The following GNB5 variants were observed in gnomAD, a reference collection of about 807,000 sequenced individuals.
GNB5 encodes guanine nucleotide-binding protein subunit beta-5.
Under a neutral mutation model 55.3 loss-of-function variants are expected in GNB5, and 37 were observed. The ratio of observed to expected loss-of-function variants is 0.67; its 90% confidence interval spans 0.51 to 0.88. GNB5 has a LOEUF of 0.88. Among genes scored for constraint, GNB5 ranks in the 40% least tolerant of loss-of-function variants. The pLI is 0.00. For synonymous variants in GNB5, 219 were observed against 198.5 expected, an observed-to-expected ratio of 1.10 and a Z score of -0.87; for missense variants, 476 against 515.3, an observed-to-expected ratio of 0.92 and a Z score of 0.74.
intron 7 of GNB5, among the ~76,000 whole-genome samples, chr15:52,138,180 C>G (rs2033770538): frequency 6.6e-6 from 1 of 151,840 alleles, no homozygotes; most frequent in African/African-American, 2.4e-5. Context: ...GTCAGGAGTT[C>G]AAGACCAGCC....
At chr15:52,136,216 T>C (rs2033718562) in intron 7 of GNB5, among the ~76,000 whole-genome samples, 1 of 148,478 alleles carries the variant, frequency 6.7e-6, no homozygotes, top group African/African-American at 2.5e-5. Flanking sequence ...ATCTCTCTTC[T>C]ATACAAAGAA....
In GNB5 at chr15:52,187,970, AT is replaced by A. The variant is rs531237939; in HGVS notation, c.-18-3277del. Among the ~76,000 whole-genome samples the A allele has an allele frequency of 4.5e-3, 680 of 150,620 alleles. 2 individuals are homozygous for A. The highest frequency in any genetic ancestry group is 0.011 in the African/African-American group (469 of 41,364). ...TCTCAAAGAAAATTAAAAATTAAAA[AT>A]AAATAAATAAATAAGTGGAAACAGA... On this transcript the variant is annotated intron_variant, in intron 1 of 12. Coordinates refer to ENST00000261837, the MANE Select transcript of GNB5 (RefSeq NM_016194.4).
At chr15:52,179,625 G>C in intron 3 of GNB5, 143 bp downstream of exon 3, 2 of 328,330 alleles carry the variant, frequency 6.1e-6, no homozygotes, top group Non-Finnish European at 1.0e-5. Flanking sequence ...CTGCGCGCCC[G>C]GGCCCCAGGG....
chr15:52,130,032 C>T (rs535610783), intron 9 of GNB5, among the ~76,000 whole-genome samples: 4 of 152,250 alleles, frequency 2.6e-5, no homozygotes, highest in East Asian at 1.9e-4. Flanking sequence ...AAGTGATAAG[C>T]GCAACTCTCC....
intron 7 of GNB5, 53 bp downstream of exon 7, chr15:52,141,084 GCTC>G: frequency 6.5e-7 from 1 of 1,545,616 alleles, no homozygotes; most frequent in East Asian, 2.2e-5. Flanking sequence ...TCTCCTCTCA[GCTC>G]CTCTTTAGTG....
At chr15:52,136,416 C>T (rs2033725263) in intron 7 of GNB5, among the ~76,000 whole-genome samples, 1 of 152,104 alleles carries the variant, frequency 6.6e-6, no homozygotes, top group Non-Finnish European at 1.5e-5. Context: ...GCTGTGCAGG[C>T]CAAAAACTTA....
intron 3 of GNB5, among the ~76,000 whole-genome samples, chr15:52,163,044 AGG>A (rs2034368503): frequency 6.6e-6 from 1 of 152,110 alleles, no homozygotes; most frequent in Non-Finnish European, 1.5e-5. Flanking sequence ...GAGGAAAAGC[AGG>A]GTGGGGAGAT....
chr15:52,140,156 C>T (rs2033818775), intron 7 of GNB5: 2 of 231,670 alleles, frequency 8.6e-6, no homozygotes, highest in Non-Finnish European at 1.8e-5. Context: ...GCCACCTGAC[C>T]TCCCTGCCTC....
At position 52,177,313 on chromosome 15, in the gene GNB5, G is replaced by A. The variant is rs190964336; in HGVS notation, c.238+2455C>T. ...CTCCCAAAGTGCTGGGATTACAGGC[G>A]TGAGCCACCCTGTCGGTCCGAGACC... On this transcript the variant is annotated intron_variant, in intron 3 of 12. Transcript: ENST00000261837. 8.7e-3 allele frequency among the ~76,000 whole-genome samples: 1,327 copies of A among 151,890 alleles called. 6 individuals carry two copies. The highest frequency in any genetic ancestry group is 0.013 in the Non-Finnish European group (901 of 67,908).
intron 3 of GNB5, among the ~76,000 whole-genome samples, chr15:52,155,356 G>A (rs544221033): frequency 2.0e-5 from 3 of 152,302 alleles, no homozygotes; most frequent in African/African-American, 4.8e-5. Flanking sequence ...GTGCCGAGAG[G>A]TGCCAACTCT....
At chr15:52,136,174 C>CT (rs2033716536) in intron 7 of GNB5, among the ~76,000 whole-genome samples, 1 of 59,180 alleles carries the variant, frequency 1.7e-5, no homozygotes, top group South Asian at 5.4e-4. Flanking sequence ...ACACACACAC[C>CT]CTACCTGCTG....
At chr15:52,139,164 G>A (rs993869746) in intron 7 of GNB5, 3 of 152,206 alleles carry the variant, frequency 2.0e-5, no homozygotes, top group African/African-American at 7.2e-5. Flanking sequence ...AAAATTGGCT[G>A]GGTGCAGTGG....
At chr15:52,182,406 C>G (rs200303433) in intron 2 of GNB5, among the ~76,000 whole-genome samples, 1 of 152,138 alleles carries the variant, frequency 6.6e-6, no homozygotes, top group East Asian at 1.9e-4. Context: ...ACCTGAGGCA[C>G]GTGGTACTTC....
intron 4 of GNB5, among the ~76,000 whole-genome samples, chr15:52,152,407 T>A (rs1221279328): frequency 6.6e-6 from 1 of 151,706 alleles, no homozygotes; most frequent in African/African-American, 2.4e-5. Context: ...CACTGCAACC[T>A]CCGCCTCCTA....
intron 1 of GNB5, among the ~76,000 whole-genome samples, chr15:52,189,212 C>T (rs1011909727): frequency 6.6e-6 from 1 of 152,200 alleles, no homozygotes; most frequent in African/African-American, 2.4e-5. Flanking sequence ...CTGTGGAAAA[C>T]GGTTTGGCAG....
At chr15:52,172,518 G>A (rs1274782687) in intron 3 of GNB5, among the ~76,000 whole-genome samples, 1 of 152,004 alleles carries the variant, frequency 6.6e-6, no homozygotes, top group Non-Finnish European at 1.5e-5. Context: ...GGTGGCTCAT[G>A]CCTGTAATCC....
At chr15:52,128,733 G>A (rs1380920400) in intron 9 of GNB5, 1 of 458,008 alleles carries the variant, frequency 2.2e-6, no homozygotes, top group East Asian at 6.9e-5. Flanking sequence ...TTTCTGCTGT[G>A]AAGATTACAT....
Position 52,120,620 on chromosome 15 carries a change from A to G in GNB5, c.*2137T>C. 8.8e-6 allele frequency: 1 copy of G among 113,216 alleles called. No homozygotes were observed. Among genetic ancestry groups the G allele is most frequent in the Non-Finnish European group, 1.6e-5 (1 of 62,110 alleles). 7.0% of individuals were successfully genotyped at this position (113,216 alleles called of 1,614,324 possible). A position where few individuals can be genotyped will look rare whatever the true frequency, so the allele number is the denominator to read the frequency against. On this transcript the variant is annotated 3_prime_UTR_variant, in exon 13 of 13. Coordinates refer to ENST00000261837, the MANE Select transcript of GNB5 (RefSeq NM_016194.4). ...CTGGGAGCCGGAAGGCACAGTGCAG[A>G]GACAAAAAAAAAAATGGCTGTGGGA... is the stretch of plus-strand genomic sequence containing the variant.
chr15:52,157,721 T>C (rs998976226), intron 3 of GNB5, among the ~76,000 whole-genome samples: 3 of 152,150 alleles, frequency 2.0e-5, no homozygotes, highest in Non-Finnish European at 4.4e-5. Context: ...CCAACCAAAA[T>C]AGGGCCCTCC....
Sources: allele counts gnomAD v4.1 joint callset (sites outside exome capture counted in the v4.1 genomes callset), GRCh38; gene constraint gnomAD v4.1.1; transcripts MANE v1.5; gene names NCBI Gene and HGNC (gene_info 2026-07-23, HGNC 2026-07-21).